GRID2: variants seen among roughly 807,000 people sequenced by gnomAD.
GRID2 encodes glutamate ionotropic receptor delta type subunit 2.
GRID2 carries 33 observed loss-of-function variants against 114.8 expected under a neutral mutation model. The observed-to-expected ratio is 0.29, with a 90% CI of 0.22 to 0.38. GRID2 has a LOEUF of 0.38. Ranked by LOEUF, GRID2 falls within the 10% of genes least tolerant of loss-of-function variation. The pLI is 1.00. For missense variants in GRID2, 1,184 were observed against 1,257.7 expected (o/e 0.94, Z 0.89); for synonymous variants, 505 against 449.9 (o/e 1.12, Z -1.55).
intron 4 of GRID2, among the ~76,000 whole-genome samples, chr4:93,183,716 G>A (rs1167822121): frequency 2.0e-5 from 3 of 152,172 alleles, no homozygotes; most frequent in Non-Finnish European, 4.4e-5. Flanking sequence ...ATACCATCAT[G>A]TGCCAGGCAC....
At chr4:93,089,196 G>A (rs1730575332) in intron 3 of GRID2, among the ~76,000 whole-genome samples, 1 of 152,036 alleles carries the variant, frequency 6.6e-6, no homozygotes, top group Non-Finnish European at 1.5e-5. Flanking sequence ...TAACATTATA[G>A]ATATAAGAAT....
intron 2 of GRID2, among the ~76,000 whole-genome samples, chr4:92,772,576 AT>A (rs1307995506): frequency 1.3e-5 from 2 of 152,154 alleles, no homozygotes; most frequent in Admixed American, 1.3e-4. Context: ...ATATTTCCAT[AT>A]TGTAGATATT....
intron 1 of GRID2, among the ~76,000 whole-genome samples, chr4:92,384,561 ATAATATAATATATAAAATATAT>A (rs1729809490): frequency 1.3e-5 from 1 of 76,876 alleles, no homozygotes; most frequent in African/African-American, 6.3e-5. Context: ...TATATTATAT[ATAATATAATATATAAAATATAT>A]TATATTATAT....
intron 2 of GRID2, among the ~76,000 whole-genome samples, chr4:92,706,660 G>C (rs1734972409): frequency 6.6e-6 from 1 of 152,028 alleles, no homozygotes; most frequent in Non-Finnish European, 1.5e-5. Flanking sequence ...ATAAAGAATT[G>C]TTCTGCCTCC....
chr4:93,531,186 G>A (rs1045694682), intron 13 of GRID2, among the ~76,000 whole-genome samples: 20 of 152,028 alleles, frequency 1.3e-4, no homozygotes, highest in Admixed American at 2.6e-4. Context: ...AGAGTAAGAC[G>A]AAGGCTAGGC....
rs545878330 is a variant in GRID2, at chr4:92,890,507, A to C, written c.245-194488A>C. Among the ~76,000 whole-genome samples, 464 of 152,230 alleles carry C rather than the reference A, an allele frequency of 3.0e-3. 1 individual carries two copies. Among genetic ancestry groups the C allele is most frequent in the African/African-American group, 0.011 (453 of 41,548 alleles). ...ATTTATGTGGCCAAAAAACATATGA[A>C]AAAAAAAGCTCATCATCATTGGTCA... On this transcript the variant is annotated intron_variant, in intron 2 of 15. Coordinates refer to ENST00000282020, the MANE Select transcript of GRID2 (RefSeq NM_001510.4).
intron 1 of GRID2, among the ~76,000 whole-genome samples, chr4:92,506,883 T>C (rs187855865): frequency 1.4e-4 from 22 of 152,048 alleles, no homozygotes; most frequent in Admixed American, 1.4e-3. Context: ...AAAAAATCTT[T>C]CATTTTTTCT....
At chr4:93,096,144 C>G (rs995969117) in intron 3 of GRID2, among the ~76,000 whole-genome samples, 4 of 151,928 alleles carry the variant, frequency 2.6e-5, no homozygotes, top group African/African-American at 7.2e-5. Flanking sequence ...ATTGCTGAAC[C>G]AATTGGGTCC....
At chr4:93,576,476 T>C (rs911930749) in intron 13 of GRID2, among the ~76,000 whole-genome samples, 1 of 152,232 alleles carries the variant, frequency 6.6e-6, no homozygotes, top group African/African-American at 2.4e-5. Flanking sequence ...ATAGTCAATA[T>C]ATTTATTTTG....
chr4:93,657,959 T>C (rs1723164203), intron 14 of GRID2, among the ~76,000 whole-genome samples: 1 of 152,230 alleles, frequency 6.6e-6, no homozygotes, highest in Admixed American at 6.5e-5. Context: ...GTCAGTGACC[T>C]GGATCGTTTT....
chr4:92,991,680 A>C (rs1754914435), intron 2 of GRID2, among the ~76,000 whole-genome samples: 1 of 152,196 alleles, frequency 6.6e-6, no homozygotes, highest in Admixed American at 6.5e-5. Context: ...TTTCTTAAAA[A>C]GGATTTTATC....
At chr4:93,042,704 CATATAT>C (rs201662029) in intron 2 of GRID2, among the ~76,000 whole-genome samples, 127 of 134,720 alleles carry the variant, frequency 9.4e-4, no homozygotes, top group Middle Eastern at 4.2e-3. Context: ...TATATATATG[CATATAT>C]ATATAGATAT....
chr4:92,489,131 T>C (rs898975190), intron 1 of GRID2, among the ~76,000 whole-genome samples: 17 of 152,160 alleles, frequency 1.1e-4, no homozygotes, highest in African/African-American at 4.1e-4. Context: ...ATGAAATAAA[T>C]ATGGTTGCCC....
chr4:93,087,573 T>C (rs764665871), intron 3 of GRID2, among the ~76,000 whole-genome samples: 6 of 152,168 alleles, frequency 3.9e-5, no homozygotes, highest in Non-Finnish European at 7.4e-5. Flanking sequence ...TATTCTTTTC[T>C]CCTGAGTTTT....
At position 92,692,449 on chromosome 4, in the gene GRID2, T is replaced by G. The variant is rs114227184; in HGVS notation, c.244+102163T>G. Among the ~76,000 whole-genome samples, 1,215 of 152,306 alleles carry G rather than the reference T, an allele frequency of 8.0e-3. 19 individuals are homozygous for G. The highest frequency in any genetic ancestry group is 0.028 in the African/African-American group (1,169 of 41,576). ...TAAATGCTCTTATGTTTAAAATAGA[T>G]ATTTATATCCTCTGTATCATTTATT... On this transcript the variant is annotated intron_variant, in intron 2 of 15. Coordinates refer to ENST00000282020, the MANE Select transcript of GRID2 (RefSeq NM_001510.4).
chr4:93,635,321 T>C (rs941284230), intron 14 of GRID2, among the ~76,000 whole-genome samples: 7 of 150,262 alleles, frequency 4.7e-5, no homozygotes, highest in Non-Finnish European at 7.4e-5. Flanking sequence ...ATTTGAAGAG[T>C]CTCAAAATAA....
intron 13 of GRID2, among the ~76,000 whole-genome samples, chr4:93,520,604 G>T (rs1251843378): frequency 1.3e-5 from 2 of 152,072 alleles, no homozygotes; most frequent in African/African-American, 2.4e-5. Flanking sequence ...CAGAGAGGGG[G>T]TTAGGGGATG....
intron 13 of GRID2, among the ~76,000 whole-genome samples, chr4:93,613,368 T>C (rs1741182871): frequency 7.1e-6 from 1 of 140,264 alleles, no homozygotes; most frequent in African/African-American, 2.7e-5. Context: ...GCTGCGTTCC[T>C]TTGGAGGAGG....
At chr4:92,529,046 T>C (rs755558843) in intron 1 of GRID2, among the ~76,000 whole-genome samples, 1 of 152,060 alleles carries the variant, frequency 6.6e-6, no homozygotes, top group Admixed American at 6.6e-5. Flanking sequence ...ATGAATTCTC[T>C]TGGGACGTGA....
Sources: gnomAD v4.1 joint callset for allele counts (sites outside exome capture counted in the v4.1 genomes callset) on GRCh38, gnomAD v4.1.1 for gene constraint, MANE v1.5 for transcripts, NCBI Gene and HGNC (gene_info 2026-07-23, HGNC 2026-07-21) for gene names.